Variants in PARP16 observed in about 807,000 individuals in gnomAD.
PARP16 encodes the protein poly(ADP-ribose) polymerase family member 16.
Under a neutral mutation model 35.0 loss-of-function variants are expected in PARP16, and 31 were observed. The ratio of observed to expected loss-of-function variants is 0.88; its 90% CI spans 0.66 to 1.19. The LOEUF is 1.19. Ranked by LOEUF, PARP16 falls within the 50% of genes most tolerant of loss-of-function variation. PARP16 has a pLI of 0.00. For missense variants in PARP16, 424 were observed against 411.2 expected, an observed-to-expected ratio of 1.03 and a Z score of -0.27; for synonymous variants, 162 against 169.5, an observed-to-expected ratio of 0.96 and a Z score of 0.34.
At position 65,286,465 on chromosome 15, in the gene PARP16, T is replaced by TAGGGGC; in HGVS notation, c.-45_-40dup. ...GCGTTGCCGGGGTAGACGCGCTGGTTAGGGGCAAGGGCGAGCGTGCGTTCA... is the reference window on the plus strand; with the variant it reads ...GCGTTGCCGGGGTAGACGCGCTGGTTAGGGGCAGGGGCAAGGGCGAGCGTGCGTTCA... On this transcript the variant is annotated 5_prime_UTR_variant, in exon 1 of 6. Coordinates refer to ENST00000649807, the MANE Select transcript of PARP16 (RefSeq NM_001316943.2). 7.1e-7 allele frequency: 1 copy of TAGGGGC among 1,413,204 alleles called. No homozygotes were observed. 87.5% of individuals were successfully genotyped at this position (1,413,204 alleles called of 1,614,324 possible).
At chr15:65,237,407 A>AAATT (rs1449327677) in intron 3 of PARP16, among the ~76,000 whole-genome samples, 1 of 152,164 alleles carries the variant, frequency 6.6e-6, no homozygotes, top group Non-Finnish European at 1.5e-5. Context: ...GAATGTAACC[A>AAATT]AATTTGGAAA....
At chr15:65,252,846 C>T (rs72729092) in intron 2 of PARP16, among the ~76,000 whole-genome samples, 33,809 of 152,028 alleles carry the variant, frequency 0.22, 4,544 homozygotes, top group Admixed American at 0.31. Flanking sequence ...AAATGCAAGG[C>T]GGCTGGGCGT....
downstream of PARP16, among the ~76,000 whole-genome samples, chr15:65,231,384 T>C (rs2140699005): frequency 6.6e-6 from 1 of 152,162 alleles, no homozygotes; most frequent in South Asian, 2.1e-4. Flanking sequence ...AAGGTTTCCT[T>C]TTCTATTCTT....
chr15:65,278,713 C>G (rs1479648660), intron 1 of PARP16, among the ~76,000 whole-genome samples: 1 of 152,164 alleles, frequency 6.6e-6, no homozygotes, highest in Non-Finnish European at 1.5e-5. Context: ...GCTGGAGATA[C>G]TCAGGTTTAG....
At chr15:65,281,360 G>A (rs531200845) in intron 1 of PARP16, among the ~76,000 whole-genome samples, 2 of 152,216 alleles carry the variant, frequency 1.3e-5, no homozygotes, top group South Asian at 4.1e-4. Flanking sequence ...TACTTCCCAG[G>A]CCAGGCACTG....
intron 3 of PARP16, among the ~76,000 whole-genome samples, chr15:65,235,238 C>T (rs2088844326): frequency 6.6e-6 from 1 of 151,420 alleles, no homozygotes; most frequent in Non-Finnish European, 1.5e-5. Flanking sequence ...ACCTGGGAGG[C>T]GGAGCTTGCA....
intron 4 of PARP16, 52 bp from the exon 5 acceptor site, chr15:65,261,078 A>G (rs753432716): frequency 6.4e-7 from 1 of 1,562,502 alleles, no homozygotes; most frequent in Non-Finnish European, 8.8e-7. Flanking sequence ...GAACTAAGGA[A>G]GCACATTATA....
chr15:65,243,135 A>G (rs141929617), intron 3 of PARP16, among the ~76,000 whole-genome samples: 3,518 of 152,230 alleles, frequency 0.023, 62 homozygotes, highest in Admixed American at 0.037. Context: ...TTTTCTTCCT[A>G]TATTGCATTG....
intron 2 of PARP16, among the ~76,000 whole-genome samples, chr15:65,270,410 G>C (rs932029513): frequency 1.3e-5 from 2 of 152,184 alleles, no homozygotes; most frequent in African/African-American, 2.4e-5. Flanking sequence ...TTTGAACCCA[G>C]AGCATGAGGT....
At chr15:65,277,815 C>A (rs957077464) in intron 1 of PARP16, among the ~76,000 whole-genome samples, 1 of 152,204 alleles carries the variant, frequency 6.6e-6, no homozygotes, top group African/African-American at 2.4e-5. Context: ...GGAATTCCCC[C>A]CAATCCCAAA....
chr15:65,259,903 C>CT (rs1296316052), intron 5 of PARP16, among the ~76,000 whole-genome samples: 1 of 152,172 alleles, frequency 6.6e-6, no homozygotes. Context: ...TAGCTGAAGT[C>CT]TTTTCACTTT....
intron 1 of PARP16, among the ~76,000 whole-genome samples, chr15:65,275,577 C>G (rs2090229726): frequency 6.6e-6 from 1 of 152,084 alleles, no homozygotes; most frequent in South Asian, 2.1e-4. Context: ...ACAGGTAATT[C>G]TGTGTGGCTG....
chr15:65,253,082 G>A (rs924259588), intron 2 of PARP16, among the ~76,000 whole-genome samples: 2 of 150,270 alleles, frequency 1.3e-5, no homozygotes, highest in African/African-American at 4.9e-5. Flanking sequence ...GCGGTGAGCC[G>A]AGATTGCACC....
At chr15:65,245,730 G>A (rs887380532) in intron 3 of PARP16, among the ~76,000 whole-genome samples, 136 of 152,256 alleles carry the variant, frequency 8.9e-4, no homozygotes, top group African/African-American at 3.2e-3. Flanking sequence ...AGGGAAATGA[G>A]CTCAGGACAG....
intron 1 of PARP16, among the ~76,000 whole-genome samples, chr15:65,279,631 G>C (rs1239848344): frequency 6.6e-6 from 1 of 152,186 alleles, no homozygotes; most frequent in Non-Finnish European, 1.5e-5. Context: ...AAGGTAATCT[G>C]AGAGATCAAG....
At chr15:65,245,031 T>C (rs2089171708) in intron 3 of PARP16, among the ~76,000 whole-genome samples, 1 of 152,202 alleles carries the variant, frequency 6.6e-6, no homozygotes, top group Admixed American at 6.5e-5. Flanking sequence ...TTTAGAGTCT[T>C]ACTGCTCCCC....
At chr15:65,275,176 A>C (rs1437449768) in intron 1 of PARP16, among the ~76,000 whole-genome samples, 1 of 152,058 alleles carries the variant, frequency 6.6e-6, no homozygotes, top group Non-Finnish European at 1.5e-5. Flanking sequence ...TAAGAGGACA[A>C]GGTGGGACTC....
chr15:65,233,497 G>C (rs2088808452), downstream of PARP16, among the ~76,000 whole-genome samples: 1 of 152,168 alleles, frequency 6.6e-6, no homozygotes, highest in Non-Finnish European at 1.5e-5. Context: ...CCAGTACTTT[G>C]GGAGGCCAGG....
chr15:65,266,267 A>C (rs904421164), intron 3 of PARP16, among the ~76,000 whole-genome samples: 2 of 152,196 alleles, frequency 1.3e-5, no homozygotes, highest in Non-Finnish European at 2.9e-5. Context: ...AAGGTCGGGA[A>C]CTATCTTTAA....
Sources: allele counts gnomAD v4.1 joint callset (sites outside exome capture counted in the v4.1 genomes callset), GRCh38; gene constraint gnomAD v4.1.1; transcripts MANE v1.5; gene names NCBI Gene and HGNC (gene_info 2026-07-23, HGNC 2026-07-21).